The following EIF4A1 variants were observed in gnomAD, a reference collection of about 807,000 sequenced individuals.
EIF4A1 encodes the protein eukaryotic translation initiation factor 4A1, also known as eukaryotic initiation factor 4A-I.
EIF4A1 carries 11 observed loss-of-function variants against 53.5 expected under a neutral mutation model. That is an observed-to-expected ratio of 0.21 (90% CI 0.13 to 0.34). EIF4A1 has a LOEUF of 0.34. Among genes scored for constraint, EIF4A1 ranks in the 10% least tolerant of loss-of-function variants. The probability of loss-of-function intolerance (pLI) is 1.00; values close to 1 mark genes in which losing one functional copy is unlikely to be tolerated. For missense variants in EIF4A1, 213 were observed against 530.8 expected, an observed-to-expected ratio of 0.40 and a Z score of 5.88; for synonymous variants, 237 against 186.7, an observed-to-expected ratio of 1.27 and a Z score of -2.20.
In EIF4A1 at chr17:7,578,215, T is replaced by C; in HGVS notation, c.1047T>C (p.Leu349=). 6.2e-7 allele frequency: 1 copy of C among 1,614,204 alleles called. No homozygotes were observed. Among genetic ancestry groups the C allele is most frequent in the Non-Finnish European group, 8.5e-7 (1 of 1,180,022 alleles). The change falls in exon 10 of 11, where the codon CTT becomes CTC. Residue 349 remains leucine (L), a synonymous_variant. Transcript: ENST00000293831. The stretch of plus-strand genomic sequence containing the variant: ...TTTCTTTAGTCATCAACTATGACCT[T>C]CCCACCAACAGGGAAAACTATATCC... ...QQVSLVINYD[L]PTNRENYIHR... is the part of the protein sequence containing the mutation.
In EIF4A1 at chr17:7,578,432, C is replaced by A. The variant is rs573872328; in HGVS notation, c.1167C>A (p.Thr389=). The A allele has an allele frequency of 3.1e-6, 5 of 1,613,574 alleles. No individual in the cohort carries two copies. Among genetic ancestry groups the A allele is most frequent in the Non-Finnish European group, 4.2e-6 (5 of 1,179,690 alleles). Residue 389 remains threonine (T), a synonymous_variant, in exon 11 of 11, where the codon ACC becomes ACA. Transcript: ENST00000293831. ...AGAGGACTCTTCGAGACATTGAGAC[C>A]TTCTACAACACCTCCATTGAGGAAA... The part of the protein sequence containing the change: ...EDKRTLRDIE[T]FYNTSIEEMP...
intron 1 of EIF4A1, chr17:7,574,014 C>T (rs2150924334): frequency 1.9e-6 from 1 of 524,926 alleles, no homozygotes; most frequent in South Asian, 2.5e-5. Flanking sequence ...CGCCTGCCGG[C>T]CTGTCTTCAG....
chr17:7,577,700 C>T lies in EIF4A1; in HGVS notation c.900C>T (p.Ser300=), dbSNP rs780057605. ...EKMHARDFTV[S]AMHGDMDQKE... is the part of the protein sequence containing the mutation. ...TGCATGCTCGAGATTTCACTGTATC[C>T]GCCATGGTGTGTTTGCCCGCTGCCA... The change falls in exon 8 of 11, where the codon TCC becomes TCT. Residue 300 remains serine, a synonymous_variant. Coordinates refer to ENST00000293831, the MANE Select transcript of EIF4A1 (RefSeq NM_001416.4). This position sits in a 1 kb window ranked among gnomAD's most constrained non-coding sequence, Gnocchi z 4.7. 6.3e-5 allele frequency: 102 copies of T among 1,613,442 alleles called. No homozygotes were observed. The highest frequency in any genetic ancestry group is 6.2e-4 in the South Asian group (56 of 91,040).
At chr17:7,575,620 T>C (rs764745993) in intron 4 of EIF4A1, 1 of 374,316 alleles carries the variant, frequency 2.7e-6, no homozygotes, top group Non-Finnish European at 5.2e-6. Context: ...TAGCCAGAGC[T>C]GTTTCATGCC....
intron 5 of EIF4A1, 99 bp downstream of exon 5, chr17:7,576,791 TTC>T (rs1221712444): frequency 2.6e-6 from 4 of 1,546,744 alleles, no homozygotes; most frequent in Non-Finnish European, 3.5e-6. Flanking sequence ...GGATGCTGGT[TTC>T]TCTCTGGGGG....
At chr17:7,575,787 G>C (rs1597849565) in intron 4 of EIF4A1, 1 of 223,184 alleles carries the variant, frequency 4.5e-6, no homozygotes, top group East Asian at 1.0e-4. Context: ...AAGGCACTTG[G>C]CTCTCAGTTT....
At chr17:7,576,976 T>C in intron 5 of EIF4A1, 80 bp from the exon 6 acceptor site, 2 of 1,553,070 alleles carry the variant, frequency 1.3e-6, no homozygotes, top group South Asian at 1.1e-5. Flanking sequence ...CCTCTCTGTT[T>C]TTTATCAGCG....
intron 4 of EIF4A1, chr17:7,575,527 A>G (rs760191366): frequency 1.6e-5 from 9 of 548,344 alleles, no homozygotes; most frequent in Admixed American, 5.3e-5. Context: ...AAGCACCTTC[A>G]CTATGGGCTA....
chr17:7,574,027 A>C, intron 1 of EIF4A1: 1 of 543,508 alleles, frequency 1.8e-6, no homozygotes, highest in East Asian at 3.1e-5. Flanking sequence ...GTCTTCAGAA[A>C]GGGTCACCCC....
rs1367867225 is a variant in EIF4A1 at position 7,577,245 on chromosome 17, G to T, written c.624+80G>T. 4 of 1,568,886 alleles carry T rather than the reference G, an allele frequency of 2.5e-6. No individual in the cohort carries two copies. Among genetic ancestry groups the T allele is most frequent in the South Asian group, 1.2e-5 (1 of 82,972 alleles). Reference sequence around the variant, plus strand: ...GGGGAACCATATACTGGATTCTTGAGCCTTTTTATGCATCTGCTTCAGTTT... The same window carrying T: ...GGGGAACCATATACTGGATTCTTGATCCTTTTTATGCATCTGCTTCAGTTT... On this transcript the variant is annotated intron_variant, in intron 6 of 10. Coordinates refer to ENST00000293831, the MANE Select transcript of EIF4A1 (RefSeq NM_001416.4). The surrounding 1 kb of genome is among the most constrained non-coding windows in gnomAD (Gnocchi z 4.7).
At chr17:7,576,414 T>C in intron 4 of EIF4A1, 110 bp from the exon 5 acceptor site, 3 of 1,371,180 alleles carry the variant, frequency 2.2e-6, no homozygotes, top group East Asian at 2.6e-5. Context: ...AGTTTAATAA[T>C]AGTGCATGCC....
intron 3 of EIF4A1, 55 bp from the exon 4 acceptor site, chr17:7,575,064 A>G: frequency 6.2e-7 from 1 of 1,602,528 alleles, no homozygotes; most frequent in African/African-American, 1.3e-5. Flanking sequence ...CTAGGACTTG[A>G]ATATCCCAAA....
Position 7,577,964 on chromosome 17 carries a change from GA to G in EIF4A1, c.996+49del, listed in dbSNP as rs563116647. The G allele has an allele frequency of 6.5e-5, 104 of 1,608,644 alleles. 1 individual carries two copies. The African/African-American group carries it at 1.3e-3, about 20-fold the overall frequency. Reference sequence around the variant, plus strand: ...AAAGGCAGAAGGGAGGATCCAAGGTGATTCCCTCTCCAAGGGGACATCAGTG... The same window carrying G: ...AAAGGCAGAAGGGAGGATCCAAGGTGTTCCCTCTCCAAGGGGACATCAGTG... On this transcript the variant is annotated intron_variant, in intron 9 of 10. Coordinates refer to ENST00000293831, the MANE Select transcript of EIF4A1 (RefSeq NM_001416.4). This position sits in a 1 kb window ranked among gnomAD's most constrained non-coding sequence, Gnocchi z 4.7.
intron 4 of EIF4A1, chr17:7,576,056 C>G (rs1267064749): frequency 6.4e-6 from 1 of 155,062 alleles, no homozygotes; most frequent in Non-Finnish European, 1.4e-5. Flanking sequence ...GCCTTTTATC[C>G]CAGCTACTCG....
Position 7,578,916 on chromosome 17 carries a change from A to C in EIF4A1, c.*430A>C, listed in dbSNP as rs1349145292. 1 of 160,218 alleles carries C rather than the reference A, an allele frequency of 6.2e-6. No individual in the cohort carries two copies. Among genetic ancestry groups the C allele is most frequent in the Non-Finnish European group, 1.4e-5 (1 of 73,074 alleles). 9.9% of individuals were successfully genotyped at this position (160,218 alleles called of 1,614,324 possible). ...CAGGTGGGGGGAAGCAGGGGAGAGA[A>C]AATGGTAGCCATTTTTACATTGTTT... On this transcript the variant is annotated 3_prime_UTR_variant, in exon 11 of 11. Transcript: ENST00000293831.
chr17:7,577,561 A>C lies in EIF4A1; in HGVS notation c.769-8A>C, dbSNP rs373864323. On this transcript the variant is annotated splice_region_variant and splice_polypyrimidine_tract_variant and intron_variant, in intron 7 of 10. Coordinates refer to ENST00000293831, the MANE Select transcript of EIF4A1 (RefSeq NM_001416.4). This position sits in a 1 kb window ranked among gnomAD's most constrained non-coding sequence, Gnocchi z 4.7. ...GCCCCTGACTGATTTTTGTCCCCCA[A>C]CCTCCAGGAGTGGAAGCTGGACACA... The C allele has an allele frequency of 8.1e-6, 13 of 1,612,742 alleles. No individual in the cohort carries two copies. The highest frequency in any genetic ancestry group is 2.2e-5 in the East Asian group (1 of 44,874).
In EIF4A1 at chr17:7,572,852, G is replaced by C. The variant is rs768379368; in HGVS notation, c.11G>C (p.Ser4Thr). Residue 4 changes from serine to threonine, a missense_variant, in exon 1 of 11, where the codon AGC becomes ACC. Around this residue, in one of 4 missense-constraint regions of EIF4A1, gnomAD observed 53 missense variants for 34.0 expected, o/e 1.56. Coordinates refer to ENST00000293831, the MANE Select transcript of EIF4A1 (RefSeq NM_001416.4). ...TAGTTTCTAAGGATCATGTCTGCGA[G>C]CCAGGATTCCCGGTAAGAAAGGCAT... MSA[S>T]QDSRSRDNGP... 1.2e-5 allele frequency: 20 copies of C among 1,614,188 alleles called. No individual in the cohort carries two copies. The highest frequency in any genetic ancestry group is 1.4e-5 in the Non-Finnish European group (16 of 1,179,986).
At chr17:7,574,969 C>T (rs535663991) in intron 3 of EIF4A1, 150 bp from the exon 4 acceptor site, 88 of 1,165,630 alleles carry the variant, frequency 7.5e-5, no homozygotes, top group Non-Finnish European at 1.1e-4. Flanking sequence ...TGATCTGGTT[C>T]CCATTGTGTA....
At chr17:7,574,816 GC>G in intron 3 of EIF4A1, 138 bp downstream of exon 3, 1 of 1,419,302 alleles carries the variant, frequency 7.0e-7, no homozygotes, top group African/African-American at 1.4e-5. Flanking sequence ...TTTGATCCGT[GC>G]CCATGCCTGG....
Sources: allele counts gnomAD v4.1 joint callset, GRCh38; gene constraint gnomAD v4.1.1; regional missense constraint gnomAD v4.1.1; non-coding constraint Gnocchi (gnomAD v3.1); transcripts MANE v1.5; gene names NCBI Gene and HGNC (gene_info 2026-07-23, HGNC 2026-07-21).